NELL1: variants seen among roughly 807,000 people sequenced by gnomAD.
NELL1 encodes the protein protein kinase C-binding protein NELL1.
In NELL1, 76 loss-of-function variants were observed where a neutral mutation model predicts 107.4. The ratio of observed to expected loss-of-function variants is 0.71; its 90% CI spans 0.59 to 0.86. NELL1 has a LOEUF of 0.86. NELL1 is among the 40% of genes least tolerant of loss of function. NELL1 has a pLI of 0.00. For missense variants in NELL1, 1,024 were observed against 1,005.5 expected, an observed-to-expected ratio of 1.02 and a Z score of -0.25; for synonymous variants, 353 against 341.2, an observed-to-expected ratio of 1.03 and a Z score of -0.38.
intron 3 of NELL1, among the ~76,000 whole-genome samples, chr11:20,843,594 A>G (rs550149528): frequency 3.4e-5 from 5 of 147,304 alleles, no homozygotes; most frequent in South Asian, 2.1e-4. Flanking sequence ...TATATATTAT[A>G]TAAATATAAA....
At chr11:20,934,610 G>A (rs1053851279) in intron 9 of NELL1, among the ~76,000 whole-genome samples, 4 of 152,150 alleles carry the variant, frequency 2.6e-5, no homozygotes, top group African/African-American at 9.7e-5. Context: ...AAGGGGCAAA[G>A]GAAGAAAAAA....
intron 12 of NELL1, among the ~76,000 whole-genome samples, chr11:20,997,972 TAAAC>T (rs202246529): frequency 0.02 from 3,028 of 152,134 alleles, 119 homozygotes; most frequent in African/African-American, 0.069. Flanking sequence ...ACCCTATCTC[TAAAC>T]AAACAAACAA....
chr11:20,808,246 G>A (rs966485549), intron 3 of NELL1, among the ~76,000 whole-genome samples: 6 of 152,144 alleles, frequency 3.9e-5, no homozygotes, highest in East Asian at 1.9e-4. Context: ...GCCTGGATTC[G>A]GTCCTTTATT....
At chr11:21,007,030 G>A (rs1215389865) in intron 12 of NELL1, among the ~76,000 whole-genome samples, 2 of 152,070 alleles carry the variant, frequency 1.3e-5, no homozygotes, top group Non-Finnish European at 2.9e-5. Context: ...CAATCTAGAA[G>A]CAAATGTTGG....
At chr11:21,253,852 C>G (rs1858702850) in intron 14 of NELL1, among the ~76,000 whole-genome samples, 1 of 152,022 alleles carries the variant, frequency 6.6e-6, no homozygotes. Context: ...TATAAACAAG[C>G]AAATCAAGGC....
At chr11:21,413,681 G>A (rs183184598) in intron 15 of NELL1, among the ~76,000 whole-genome samples, 1 of 151,992 alleles carries the variant, frequency 6.6e-6, no homozygotes, top group Non-Finnish European at 1.5e-5. Context: ...TGGCCCAACT[G>A]CATGGTCACC....
intron 14 of NELL1, among the ~76,000 whole-genome samples, chr11:21,276,128 A>G (rs1438512521): frequency 6.6e-6 from 1 of 152,232 alleles, no homozygotes. Context: ...TTTGCAGATG[A>G]CATGATTGTA....
chr11:21,465,103 C>T (rs974950558), intron 15 of NELL1, among the ~76,000 whole-genome samples: 3 of 151,884 alleles, frequency 2.0e-5, no homozygotes, highest in African/African-American at 7.3e-5. Context: ...GGAAAGAGAC[C>T]TTAGGGAGGA....
Position 21,319,129 on chromosome 11 carries a change from A to G in NELL1, c.1550-51724A>G, listed in dbSNP as rs553235054. ...AACTACTAAGAGTGACATCTCAGCA[A>G]TATGTGTGTGTGTGTGTGTGTGTGT... On this transcript the variant is annotated intron_variant, in intron 14 of 19. Coordinates refer to ENST00000357134, the MANE Select transcript of NELL1 (RefSeq NM_006157.5). 2.2e-3 allele frequency among the ~76,000 whole-genome samples: 164 copies of G among 76,068 alleles called. 3 individuals carry two copies. The highest frequency in any genetic ancestry group is 6.1e-3 in the African/African-American group (154 of 25,166). 49.9% of individuals were successfully genotyped at this position (76,068 alleles called of 152,430 possible). A position where few individuals can be genotyped will look rare whatever the true frequency, so the allele number is the denominator to read the frequency against.
At chr11:20,736,533 A>T (rs574349353) in intron 2 of NELL1, among the ~76,000 whole-genome samples, 8 of 152,134 alleles carry the variant, frequency 5.3e-5, no homozygotes, top group Non-Finnish European at 8.8e-5. Flanking sequence ...TTCAGAGAAG[A>T]TGGTGGTCTG....
chr11:21,059,361 C>G (rs1213225772), intron 12 of NELL1, among the ~76,000 whole-genome samples: 7 of 151,652 alleles, frequency 4.6e-5, no homozygotes, highest in African/African-American at 1.7e-4. Context: ...TGACCGGAAC[C>G]TTGGGATTTT....
intron 13 of NELL1, among the ~76,000 whole-genome samples, chr11:21,203,502 G>A (rs1207089584): frequency 3.0e-5 from 4 of 131,918 alleles, no homozygotes; most frequent in African/African-American, 1.2e-4. Flanking sequence ...TTGAGCCTAT[G>A]TGTGTCTTTG....
chr11:21,211,574 T>C (rs1411191035), intron 13 of NELL1, among the ~76,000 whole-genome samples: 1 of 152,080 alleles, frequency 6.6e-6, no homozygotes, highest in East Asian at 1.9e-4. Context: ...GAAAAATAAA[T>C]TGCAGGTGGG....
chr11:20,921,796 G>GTTTTTTTTTTTTTTTTTTTTTTTT, intron 7 of NELL1, among the ~76,000 whole-genome samples: 1 of 137,146 alleles, frequency 7.3e-6, no homozygotes. Flanking sequence ...TTTATTGTGT[G>GTTTTTTTTTTTTTTTTTTTTTTTT]TGTTTTTTTT....
chr11:20,913,963 T>C (rs935337586), intron 5 of NELL1, among the ~76,000 whole-genome samples: 1 of 152,082 alleles, frequency 6.6e-6, no homozygotes, highest in African/African-American at 2.4e-5. Flanking sequence ...GCATGTTTGA[T>C]TGGTATCTAT....
At chr11:21,292,142 G>C (rs758349176) in intron 14 of NELL1, among the ~76,000 whole-genome samples, 4 of 152,154 alleles carry the variant, frequency 2.6e-5, no homozygotes, top group Non-Finnish European at 5.9e-5. Flanking sequence ...AATTGTCTCT[G>C]TTTGCAGATG....
chr11:21,350,846 A>T (rs1437303233), intron 14 of NELL1, among the ~76,000 whole-genome samples: 1 of 152,152 alleles, frequency 6.6e-6, no homozygotes. Flanking sequence ...GGAATACAGG[A>T]GGGACTCTGT....
intron 15 of NELL1, among the ~76,000 whole-genome samples, chr11:21,440,918 A>G (rs1169666667): frequency 6.6e-6 from 1 of 152,166 alleles, no homozygotes; most frequent in Non-Finnish European, 1.5e-5. Flanking sequence ...CCAGAATTAT[A>G]TTAAAGACTT....
At chr11:21,069,671 G>C (rs988821507) in intron 12 of NELL1, among the ~76,000 whole-genome samples, 9 of 152,158 alleles carry the variant, frequency 5.9e-5, no homozygotes, top group African/African-American at 2.2e-4. Context: ...AAATTAACTA[G>C]ATTTTTGGTT....
Sources: gnomAD v4.1 joint callset for allele counts (sites outside exome capture counted in the v4.1 genomes callset) on GRCh38, gnomAD v4.1.1 for gene constraint, MANE v1.5 for transcripts, NCBI Gene and HGNC (gene_info 2026-07-23, HGNC 2026-07-21) for gene names.